ABCC11: variants seen among roughly 807,000 people sequenced by gnomAD.
ABCC11 encodes the protein ATP-binding cassette sub-family C member 11.
Under a neutral mutation model 149.3 loss-of-function variants are expected in ABCC11, and 135 were observed. The observed-to-expected ratio is 0.90, with a 90% CI of 0.79 to 1.04. The LOEUF is 1.04. ABCC11 is among the 50% of genes least tolerant of loss of function. The probability of loss-of-function intolerance (pLI) is 0.00; values close to 1 mark genes in which losing one functional copy is unlikely to be tolerated. For missense variants in ABCC11, 1,680 were observed against 1,722.1 expected (o/e 0.98, Z 0.43); for synonymous variants, 665 against 671.4 (o/e 0.99, Z 0.15).
chr16:48,244,204 C>A, intron 1 of ABCC11: 1 of 516,632 alleles, frequency 1.9e-6, no homozygotes, highest in Non-Finnish European at 3.4e-6. Flanking sequence ...ACGCTCAAGT[C>A]TTACCGGGAG....
chr16:48,213,801 C>A (rs896964866), intron 9 of ABCC11, among the ~76,000 whole-genome samples: 37 of 152,160 alleles, frequency 2.4e-4, no homozygotes, highest in African/African-American at 7.7e-4. Context: ...GCAGGTTGCC[C>A]CTACCACAGC....
chr16:48,199,954 G>A (rs1274395263), intron 15 of ABCC11, among the ~76,000 whole-genome samples: 2 of 152,054 alleles, frequency 1.3e-5, no homozygotes, highest in South Asian at 2.1e-4. Context: ...GGGATTATAG[G>A]CATGAGCCAC....
At chr16:48,209,380 C>G (rs1043526006) in intron 11 of ABCC11, 1 of 152,238 alleles carries the variant, frequency 6.6e-6, no homozygotes, top group African/African-American at 2.4e-5. Flanking sequence ...ATTTTTCCAC[C>G]AACTGAGGGA....
chr16:48,186,022 T>C (rs750890346), intron 22 of ABCC11, among the ~76,000 whole-genome samples: 83 of 152,142 alleles, frequency 5.5e-4, no homozygotes, highest in Non-Finnish European at 9.8e-4. Context: ...CCAGACTCTC[T>C]TCATCTGCTT....
intron 6 of ABCC11, among the ~76,000 whole-genome samples, chr16:48,219,368 G>A (rs778491051): frequency 3.9e-5 from 6 of 151,984 alleles, no homozygotes; most frequent in Non-Finnish European, 7.4e-5. Flanking sequence ...ATGGGATTTC[G>A]CTCTGTTGCC....
intron 23 of ABCC11, 40 bp downstream of exon 23, chr16:48,184,400 G>A (rs1205738863): frequency 1.3e-6 from 2 of 1,595,818 alleles, no homozygotes; most frequent in Non-Finnish European, 1.7e-6. Context: ...CAGAGGATGA[G>A]CAAAGCTCAG....
intron 3 of ABCC11, among the ~76,000 whole-genome samples, chr16:48,228,804 C>A (rs1180168643): frequency 6.6e-6 from 1 of 151,690 alleles, no homozygotes; most frequent in Admixed American, 6.6e-5. Context: ...AAATTGAATA[C>A]ATAAATAATT....
At chr16:48,195,679 C>T (rs112300527) in intron 18 of ABCC11, among the ~76,000 whole-genome samples, 3,995 of 152,268 alleles carry the variant, frequency 0.026, 75 homozygotes, top group Middle Eastern at 0.048. Context: ...TGCCCTCTGC[C>T]TGCCTTAAGA....
intron 1 of ABCC11, among the ~76,000 whole-genome samples, chr16:48,241,423 T>C (rs1289879230): frequency 6.6e-6 from 1 of 152,214 alleles, no homozygotes; most frequent in African/African-American, 2.4e-5. Flanking sequence ...GAACATTCCA[T>C]GCTCATGGAT....
chr16:48,211,877 G>C (rs541083241), intron 10 of ABCC11, among the ~76,000 whole-genome samples: 3 of 152,296 alleles, frequency 2.0e-5, no homozygotes, highest in African/African-American at 7.2e-5. Flanking sequence ...AGAATGGAGG[G>C]GAGTATGATC....
At chr16:48,179,613 C>T (rs1410198944) in intron 23 of ABCC11, among the ~76,000 whole-genome samples, 1 of 152,082 alleles carries the variant, frequency 6.6e-6, no homozygotes, top group Non-Finnish European at 1.5e-5. Flanking sequence ...GGCCTGCCCT[C>T]GAGGAGATCC....
Position 48,198,268 on chromosome 16 carries a change from T to C in ABCC11, c.2090A>G (p.Glu697Gly), listed in dbSNP as rs138342031. 3,704 of 1,614,178 alleles carry C rather than the reference T, an allele frequency of 2.3e-3. 3 individuals are homozygous for C. The highest frequency in any genetic ancestry group is 2.9e-3 in the Non-Finnish European group (3,474 of 1,180,014). ...CAACAAAATGATCTGGCCACAAAAT[T>C]CTAAGTACTGGACAGTCAAAAGAAA... ...VLVTHQLQYL[E>G]FCGQIILLEN... Residue 697 changes from glutamate to glycine, a missense_variant, in exon 16 of 30, where the codon GAA becomes GGA. Glu to Gly is a moderately conservative substitution (Grantham distance 98). Coordinates refer to ENST00000356608, the MANE Select transcript of ABCC11 (RefSeq NM_001370497.1).
chr16:48,232,306 T>G (rs1203777545), intron 1 of ABCC11: 1 of 178,294 alleles, frequency 5.6e-6, no homozygotes, highest in Non-Finnish European at 1.2e-5. Flanking sequence ...CATTATTTGT[T>G]CAGACTTCAT....
chr16:48,216,077 G>A, intron 7 of ABCC11, 37 bp downstream of exon 7: 1 of 1,601,262 alleles, frequency 6.2e-7, no homozygotes, highest in Non-Finnish European at 8.5e-7. Flanking sequence ...GGACTTCTGG[G>A]GCCCAGCATC....
chr16:48,195,019 C>G lies in ABCC11; in HGVS notation c.2405-1037G>C, dbSNP rs561412127. On this transcript the variant is annotated intron_variant, in intron 18 of 29. Coordinates refer to ENST00000356608, the MANE Select transcript of ABCC11 (RefSeq NM_001370497.1). ...TAAGGGCAGGAAAAGGCAGGGTACA[C>G]TCCTTGGGGCACTGCCTCCTGCTCT... 3.3e-5 allele frequency among the ~76,000 whole-genome samples: 5 copies of G among 152,314 alleles called. No homozygotes were observed. The South Asian group carries it at 1.0e-3, about 32-fold the overall frequency.
rs184482200 is a variant in ABCC11 at position 48,220,621 on chromosome 16, A to C, written c.777+1977T>G. 3.3e-4 allele frequency among the ~76,000 whole-genome samples: 51 copies of C among 152,318 alleles called. 1 individual carries two copies. The highest frequency in any genetic ancestry group is 2.7e-3 in the Admixed American group (42 of 15,296). On this transcript the variant is annotated intron_variant, in intron 6 of 29. Transcript: ENST00000356608. Reference sequence around the variant, plus strand: ...ACAAACTCACTGAATCCTATGAGACAACAATCCTATGAGGTTGGTTCTATT... The same window carrying C: ...ACAAACTCACTGAATCCTATGAGACCACAATCCTATGAGGTTGGTTCTATT...
chr16:48,224,895 C>A (rs117437537), intron 4 of ABCC11, among the ~76,000 whole-genome samples: 1 of 151,976 alleles, frequency 6.6e-6, no homozygotes, highest in Non-Finnish European at 1.5e-5. Flanking sequence ...CGGTGGCATG[C>A]GCCTGTAATC....
At position 48,222,598 on chromosome 16, in the gene ABCC11, C is replaced by G; in HGVS notation, c.777G>C (p.Glu259Asp). ...AGAATAGGCAGTCCCAGCTGCTTAC[C>G]TCTCCTGAGGTGATGTGTATTACAG... ...FKSVIHITSG[E>D]AISFFTGDVN... Residue 259 changes from glutamate to aspartate, a missense_variant and splice_region_variant, in exon 6 of 30, where the codon GAG (glutamate) becomes GAC (aspartate). Physicochemically the swap from Glu to Asp is conservative, Grantham distance 45 (BLOSUM62 2). Coordinates refer to ENST00000356608, the MANE Select transcript of ABCC11 (RefSeq NM_001370497.1). The G allele has an allele frequency of 6.2e-7, 1 of 1,613,588 alleles. No homozygotes were observed. The highest frequency in any genetic ancestry group is 8.5e-7 in the Non-Finnish European group (1 of 1,179,470).
Position 48,192,610 on chromosome 16 carries a change from G to T in ABCC11, c.2616C>A (p.Leu872=), listed in dbSNP as rs374715221. ...YQLVYGLNAL[L]LICVGVCSSG... ...AGGAGCAGACCCCCACACAGATGAG[G>T]AGCAGGGCGTTGAGCCCGTACACCA... The change falls in exon 20 of 30, where the codon CTC becomes CTA. Residue 872 remains leucine (L), a synonymous_variant. Transcript: ENST00000356608. 6.2e-7 allele frequency: 1 copy of T among 1,614,218 alleles called. No individual in the cohort carries two copies. Among genetic ancestry groups the T allele is most frequent in the Non-Finnish European group, 8.5e-7 (1 of 1,180,044 alleles).
Sources: allele counts gnomAD v4.1 joint callset (sites outside exome capture counted in the v4.1 genomes callset), GRCh38; gene constraint gnomAD v4.1.1; transcripts MANE v1.5; gene names NCBI Gene and HGNC (gene_info 2026-07-23, HGNC 2026-07-21).